CACNB4: variants seen among roughly 807,000 people sequenced by gnomAD.
The protein encoded by CACNB4 is calcium voltage-gated channel auxiliary subunit beta 4, also known as voltage-dependent L-type calcium channel subunit beta-4.
Under a neutral mutation model 71.2 loss-of-function variants are expected in CACNB4, and 32 were observed. The observed-to-expected ratio is 0.45, with a 90% CI of 0.34 to 0.60. The LOEUF (loss-of-function observed/expected upper bound fraction) is 0.60. CACNB4 is among the 20% of genes least tolerant of loss of function. The pLI is 0.01. For missense variants in CACNB4, 464 were observed against 647.9 expected, an observed-to-expected ratio of 0.72 and a Z score of 3.08; for synonymous variants, 231 against 236.9, an observed-to-expected ratio of 0.97 and a Z score of 0.23.
chr2:151,961,378 C>T (rs1422149196), intron 2 of CACNB4, among the ~76,000 whole-genome samples: 1 of 152,220 alleles, frequency 6.6e-6, no homozygotes, highest in African/African-American at 2.4e-5. Context: ...AAGCTTTCTC[C>T]ACAAAACTAA....
chr2:151,887,893 T>G (rs537995544), intron 2 of CACNB4, among the ~76,000 whole-genome samples: 32 of 152,334 alleles, frequency 2.1e-4, no homozygotes, highest in African/African-American at 7.7e-4. Context: ...GTTTGGCAGC[T>G]TTTTCACATT....
intron 9 of CACNB4, among the ~76,000 whole-genome samples, chr2:151,864,725 T>G (rs572063320): frequency 2.3e-4 from 35 of 152,316 alleles, no homozygotes; most frequent in African/African-American, 8.4e-4. Flanking sequence ...CAATAGTAGC[T>G]TTGCCATAAC....
intron 2 of CACNB4, among the ~76,000 whole-genome samples, chr2:152,015,391 A>G (rs1683285987): frequency 2.0e-5 from 3 of 152,084 alleles, no homozygotes; most frequent in Admixed American, 2.0e-4. Flanking sequence ...TCAGCTTCCC[A>G]AAGTGCTGGG....
chr2:151,987,330 G>A (rs1469172015), intron 2 of CACNB4, among the ~76,000 whole-genome samples: 1 of 152,062 alleles, frequency 6.6e-6, no homozygotes, highest in African/African-American at 2.4e-5. Flanking sequence ...TCAGTGGGGG[G>A]CAGCACTACA....
At chr2:152,075,659 C>A (rs570452727) in intron 2 of CACNB4, among the ~76,000 whole-genome samples, 25 of 152,296 alleles carry the variant, frequency 1.6e-4, no homozygotes, top group Admixed American at 1.2e-3. Context: ...GCCATACACC[C>A]CTCAGCCACA....
intron 2 of CACNB4, among the ~76,000 whole-genome samples, chr2:151,952,342 G>T (rs953660338): frequency 2.6e-5 from 4 of 152,226 alleles, no homozygotes; most frequent in South Asian, 2.1e-4. Flanking sequence ...GATTCTGAGG[G>T]TTATTATTTC....
chr2:152,013,088 G>T (rs1683150320), intron 2 of CACNB4, among the ~76,000 whole-genome samples: 2 of 152,206 alleles, frequency 1.3e-5, no homozygotes, highest in East Asian at 3.8e-4. Context: ...CTCACATGCT[G>T]CACAGGTTTG....
intron 2 of CACNB4, among the ~76,000 whole-genome samples, chr2:151,981,303 A>G (rs1202853473): frequency 6.6e-6 from 1 of 151,348 alleles, no homozygotes; most frequent in African/African-American, 2.4e-5. Flanking sequence ...ACATGAAAAC[A>G]AAATTCACAC....
chr2:152,014,301 C>T (rs1174070146), intron 2 of CACNB4, among the ~76,000 whole-genome samples: 1 of 152,158 alleles, frequency 6.6e-6, no homozygotes, highest in Non-Finnish European at 1.5e-5. Context: ...GAGCCAAGAT[C>T]ACACCACTGC....
At chr2:151,851,240 C>A (rs2099839004) in intron 12 of CACNB4, 1 of 152,176 alleles carries the variant, frequency 6.6e-6, no homozygotes, top group South Asian at 2.1e-4. Context: ...CCAAAGATTT[C>A]TTCACACATG....
At chr2:151,996,336 A>G (rs954659788) in intron 2 of CACNB4, among the ~76,000 whole-genome samples, 3 of 152,118 alleles carry the variant, frequency 2.0e-5, no homozygotes, top group Admixed American at 6.6e-5. Context: ...TACTGCTTAG[A>G]CAACCAAAGA....
intron 2 of CACNB4, among the ~76,000 whole-genome samples, chr2:151,888,140 G>A (rs2099849825): frequency 1.3e-5 from 2 of 152,144 alleles, no homozygotes; most frequent in Non-Finnish European, 2.9e-5. Context: ...TCGGGACTAG[G>A]CATCTACTTA....
chr2:151,924,071 A>ATTTT (rs2099859606), intron 2 of CACNB4, among the ~76,000 whole-genome samples: 1 of 94,550 alleles, frequency 1.1e-5, no homozygotes. Context: ...CTATTCTGAA[A>ATTTT]TCTTTTTTTT....
upstream of CACNB4, chr2:152,099,086 G>C (rs1162575320): frequency 3.1e-6 from 3 of 954,210 alleles, no homozygotes; most frequent in Non-Finnish European, 3.1e-6. Context: ...GGCTGCGGAC[G>C]GAGGGGGAGG....
At chr2:151,871,879 C>T (rs973245966) in intron 6 of CACNB4, 12 of 153,706 alleles carry the variant, frequency 7.8e-5, no homozygotes, top group Non-Finnish European at 1.4e-4. Flanking sequence ...TACCACAATT[C>T]CCTATTAGGC....
intron 13 of CACNB4, among the ~76,000 whole-genome samples, chr2:151,840,766 C>T (rs1435382010): frequency 6.6e-6 from 1 of 152,174 alleles, no homozygotes; most frequent in East Asian, 1.9e-4. Flanking sequence ...AGAGTTAACT[C>T]TGTATGATCG....
intron 2 of CACNB4, among the ~76,000 whole-genome samples, chr2:151,954,923 A>G (rs1025105803): frequency 1.8e-4 from 24 of 132,424 alleles, no homozygotes; most frequent in Admixed American, 1.5e-3. Flanking sequence ...GGGCGATCTC[A>G]GCTCACTGCA....
intron 2 of CACNB4, among the ~76,000 whole-genome samples, chr2:151,960,217 G>A (rs1185708023): frequency 2.0e-4 from 31 of 152,106 alleles, no homozygotes; most frequent in Non-Finnish European, 1.5e-5. Context: ...TATACCATAT[G>A]CCAGGCACAC....
At chr2:152,072,918 G>C (rs1187347363) in intron 2 of CACNB4, among the ~76,000 whole-genome samples, 3 of 152,068 alleles carry the variant, frequency 2.0e-5, no homozygotes, top group Non-Finnish European at 2.9e-5. Flanking sequence ...CAAAGTGCTG[G>C]GATTACAGGC....
Sources: allele counts gnomAD v4.1 joint callset (sites outside exome capture counted in the v4.1 genomes callset), GRCh38; gene constraint gnomAD v4.1.1; transcripts MANE v1.5; gene names NCBI Gene and HGNC (gene_info 2026-07-23, HGNC 2026-07-21).